Variants in EYA1 observed in about 807,000 individuals in gnomAD.
EYA1 encodes protein phosphatase EYA1.
In EYA1, 16 loss-of-function variants were observed where a neutral mutation model predicts 82.0. That is an observed-to-expected ratio of 0.20 (90% CI 0.13 to 0.30). EYA1 has a LOEUF of 0.30. Ranked by LOEUF, EYA1 falls within the 10% of genes least tolerant of loss-of-function variation. EYA1 has a pLI of 1.00. For synonymous variants in EYA1, 261 were observed against 264.4 expected, an observed-to-expected ratio of 0.99 and a Z score of 0.12; for missense variants, 633 against 730.7, an observed-to-expected ratio of 0.87 and a Z score of 1.54.
intron 2 of EYA1, among the ~76,000 whole-genome samples, chr8:71,408,151 A>C (rs369980763): frequency 1.1e-4 from 17 of 152,026 alleles, no homozygotes; most frequent in Admixed American, 3.3e-4. Context: ...GAAATAAAAT[A>C]CTTTACAGAC....
chr8:71,364,545 C>T (rs1038660516), upstream of EYA1, among the ~76,000 whole-genome samples: 1 of 151,950 alleles, frequency 6.6e-6, no homozygotes, highest in Non-Finnish European at 1.5e-5. Context: ...TACAGTCATA[C>T]ATATAACTAC....
rs66665084 is a variant in EYA1 at position 71,199,961 on chromosome 8, G to GTT, written c.1699-543_1699-542dup. ...ACGTTTTAAATGAACATCTAACGTTGTTTTTTTTGTTTTGTTTTAGGTTTT... is the reference window on the plus strand; with the variant it reads ...ACGTTTTAAATGAACATCTAACGTTGTTTTTTTTTTGTTTTGTTTTAGGTTTT... On this transcript the variant is annotated intron_variant, in intron 17 of 17. Coordinates refer to ENST00000340726, the MANE Select transcript of EYA1 (RefSeq NM_000503.6). 6.3e-3 allele frequency: 982 copies of GTT among 155,178 alleles called. 13 individuals are homozygous for GTT. Among genetic ancestry groups the GTT allele is most frequent in the African/African-American group, 0.022 (922 of 41,294 alleles). 9.6% of individuals were successfully genotyped at this position (155,178 alleles called of 1,614,324 possible). A position where few individuals can be genotyped will look rare whatever the true frequency, so the allele number is the denominator to read the frequency against.
intron 9 of EYA1, among the ~76,000 whole-genome samples, chr8:71,281,829 C>T (rs940317201): frequency 2.6e-5 from 4 of 152,250 alleles, no homozygotes. Flanking sequence ...ATCACAAATT[C>T]CTAGGCCAGG....
intron 2 of EYA1, among the ~76,000 whole-genome samples, chr8:71,469,432 C>G (rs1401354348): frequency 6.6e-6 from 1 of 151,982 alleles, no homozygotes; most frequent in Non-Finnish European, 1.5e-5. Context: ...GTGCCTATCT[C>G]ACAGCATTGT....
intron 2 of EYA1, among the ~76,000 whole-genome samples, chr8:71,512,647 T>A (rs1206437622): frequency 1.3e-5 from 2 of 151,768 alleles, no homozygotes; most frequent in African/African-American, 2.4e-5. Flanking sequence ...GAGGGACAGA[T>A]TTTAAAAAAA....
At chr8:71,220,302 C>T (rs1183411004) in intron 12 of EYA1, among the ~76,000 whole-genome samples, 1 of 152,120 alleles carries the variant, frequency 6.6e-6, no homozygotes, top group Non-Finnish European at 1.5e-5. Flanking sequence ...GTGATGAAAT[C>T]ATTATTGAAT....
chr8:71,355,827 C>T (rs1826813925), intron 2 of EYA1, among the ~76,000 whole-genome samples: 1 of 152,152 alleles, frequency 6.6e-6, no homozygotes, highest in Admixed American at 6.5e-5. Context: ...CAGAACTATA[C>T]ATTTATATTT....
chr8:71,272,427 C>T (rs991451680), intron 9 of EYA1, among the ~76,000 whole-genome samples: 13 of 152,038 alleles, frequency 8.6e-5, no homozygotes, highest in African/African-American at 2.4e-4. Context: ...TGAGAACAAG[C>T]GGGTGACAAG....
intron 2 of EYA1, among the ~76,000 whole-genome samples, chr8:71,523,777 G>A (rs1198340931): frequency 6.6e-6 from 1 of 152,132 alleles, no homozygotes; most frequent in Non-Finnish European, 1.5e-5. Context: ...TAAGATGGCA[G>A]CCTGGCTCAT....
intron 11 of EYA1, among the ~76,000 whole-genome samples, chr8:71,257,091 G>A (rs1398909902): frequency 6.6e-6 from 1 of 151,922 alleles, no homozygotes; most frequent in Admixed American, 6.6e-5. Context: ...TCACTAGATG[G>A]CTAAGGTGCT....
chr8:71,229,659 T>A (rs1246060808), intron 12 of EYA1, among the ~76,000 whole-genome samples: 1 of 152,178 alleles, frequency 6.6e-6, no homozygotes, highest in East Asian at 1.9e-4. Context: ...ATAATTTTGA[T>A]TATAAAATGA....
intron 9 of EYA1, 24 bp downstream of exon 9, chr8:71,299,023 G>C (rs944455909): frequency 6.3e-7 from 1 of 1,599,374 alleles, no homozygotes; most frequent in East Asian, 2.2e-5. Flanking sequence ...TCACCTGCAG[G>C]ACTAATAATA....
intron 2 of EYA1, among the ~76,000 whole-genome samples, chr8:71,489,209 C>T (rs1810805363): frequency 6.6e-6 from 1 of 152,126 alleles, no homozygotes; most frequent in Non-Finnish European, 1.5e-5. Context: ...CTTTTTCTGG[C>T]TTTCCACCTA....
At chr8:71,335,980 T>C (rs1824440229) in intron 3 of EYA1, among the ~76,000 whole-genome samples, 2 of 152,232 alleles carry the variant, frequency 1.3e-5, no homozygotes, top group Non-Finnish European at 2.9e-5. Flanking sequence ...GCCTACTATG[T>C]GTCAGTTATT....
chr8:71,410,808 G>A (rs1271341102), intron 2 of EYA1, among the ~76,000 whole-genome samples: 1 of 145,826 alleles, frequency 6.9e-6, no homozygotes, highest in Non-Finnish European at 1.5e-5. Context: ...TACTGCCCAA[G>A]GTAATTTACA....
chr8:71,285,558 C>G (rs1006528222), intron 9 of EYA1, among the ~76,000 whole-genome samples: 1 of 152,138 alleles, frequency 6.6e-6, no homozygotes. Context: ...GAATAACAGG[C>G]CTGCCTATTC....
chr8:71,372,312 T>C (rs1159644219), intron 2 of EYA1, among the ~76,000 whole-genome samples: 1 of 152,150 alleles, frequency 6.6e-6, no homozygotes, highest in African/African-American at 2.4e-5. Flanking sequence ...TGACAAATAA[T>C]TCCTAGCCTA....
chr8:71,368,437 G>C (rs1166245511), intron 2 of EYA1, among the ~76,000 whole-genome samples: 1 of 151,976 alleles, frequency 6.6e-6, no homozygotes, highest in Non-Finnish European at 1.5e-5. Flanking sequence ...TGCTTGTAGA[G>C]AGTGGATGCA....
chr8:71,445,889 TTATACAGGACTTTGTCTTACA>T (rs1169268651), intron 2 of EYA1, among the ~76,000 whole-genome samples: 1 of 152,138 alleles, frequency 6.6e-6, no homozygotes, highest in African/African-American at 2.4e-5. Context: ...AAGGTATGAG[TTATACAGGACTTTGTCTTACA>T]TCGTAACCTC....
Sources: gnomAD v4.1 joint callset for allele counts (sites outside exome capture counted in the v4.1 genomes callset) on GRCh38, gnomAD v4.1.1 for gene constraint, MANE v1.5 for transcripts, NCBI Gene and HGNC (gene_info 2026-07-23, HGNC 2026-07-21) for gene names.